PCNX1: variants seen among roughly 807,000 people sequenced by gnomAD.
The protein encoded by PCNX1 is pecanex-like protein 1.
PCNX1 carries 78 observed loss-of-function variants against 242.2 expected under a neutral mutation model. The observed-to-expected ratio is 0.32, with a 90% CI of 0.27 to 0.39. The LOEUF is 0.39. PCNX1 is among the 10% of genes least tolerant of loss of function. The probability of loss-of-function intolerance (pLI) is 1.00; values close to 1 mark genes in which losing one functional copy is unlikely to be tolerated. For synonymous variants in PCNX1, 1,024 were observed against 1,032.9 expected (o/e 0.99, Z 0.17); for missense variants, 2,581 against 2,856.5 (o/e 0.90, Z 2.20).
intron 5 of PCNX1, among the ~76,000 whole-genome samples, chr14:70,969,609 T>C (rs1044359888): frequency 2.6e-5 from 4 of 152,172 alleles, no homozygotes; most frequent in Non-Finnish European, 5.9e-5. Flanking sequence ...TTTTTGGAAT[T>C]ACAGTACCCT....
chr14:70,944,261 C>T (rs748720717), intron 1 of PCNX1, among the ~76,000 whole-genome samples: 1 of 152,200 alleles, frequency 6.6e-6, no homozygotes, highest in Non-Finnish European at 1.5e-5. Context: ...GGAGCTGTAC[C>T]CTGCAAAGCC....
chr14:70,960,543 A>G (rs1212507897), intron 2 of PCNX1, among the ~76,000 whole-genome samples: 6 of 152,108 alleles, frequency 3.9e-5, no homozygotes, highest in Admixed American at 1.3e-4. Flanking sequence ...ATCTATGACA[A>G]ACCCACAGCC....
At chr14:70,970,640 A>G (rs1227002423) in intron 5 of PCNX1, among the ~76,000 whole-genome samples, 4 of 152,212 alleles carry the variant, frequency 2.6e-5, no homozygotes, top group African/African-American at 9.6e-5. Context: ...GATGTCTAAC[A>G]TGCACTGGGT....
intron 2 of PCNX1, among the ~76,000 whole-genome samples, chr14:70,953,998 G>A (rs1370767062): frequency 2.0e-5 from 3 of 152,104 alleles, no homozygotes; most frequent in Admixed American, 6.6e-5. Flanking sequence ...TTTTCTACAC[G>A]GAGATCAGAA....
At chr14:70,980,908 G>A (rs763854280) in intron 6 of PCNX1, among the ~76,000 whole-genome samples, 1 of 152,104 alleles carries the variant, frequency 6.6e-6, no homozygotes, top group Non-Finnish European at 1.5e-5. Context: ...TGAAGGTGTC[G>A]ATAAGTTCTC....
At chr14:70,962,677 A>G (rs2058259157) in intron 3 of PCNX1, among the ~76,000 whole-genome samples, 1 of 152,098 alleles carries the variant, frequency 6.6e-6, no homozygotes, top group African/African-American at 2.4e-5. Context: ...AAACGTGGCC[A>G]AAAAATAAAA....
At chr14:71,069,447 T>C (rs2061536923) in intron 26 of PCNX1, among the ~76,000 whole-genome samples, 1 of 152,208 alleles carries the variant, frequency 6.6e-6, no homozygotes. Flanking sequence ...CTATTATTGG[T>C]TTAAAAGACA....
At chr14:70,915,432 A>G (rs2056115334) in intron 1 of PCNX1, among the ~76,000 whole-genome samples, 1 of 152,250 alleles carries the variant, frequency 6.6e-6, no homozygotes, top group Admixed American at 6.5e-5. Context: ...CCCTGTCTGT[A>G]GAACATTTTA....
At chr14:71,101,747 T>C (rs2062467223) in intron 30 of PCNX1, among the ~76,000 whole-genome samples, 1 of 152,070 alleles carries the variant, frequency 6.6e-6, no homozygotes, top group Non-Finnish European at 1.5e-5. Flanking sequence ...CCAGAAATGA[T>C]GTTTATTCAT....
chr14:71,080,939 C>G (rs2061838914), intron 28 of PCNX1, among the ~76,000 whole-genome samples: 1 of 152,098 alleles, frequency 6.6e-6, no homozygotes, highest in African/African-American at 2.4e-5. Context: ...GCATCCTTGT[C>G]TTGTGCCGGT....
chr14:71,042,398 A>G (rs548642581), intron 19 of PCNX1, among the ~76,000 whole-genome samples: 1 of 151,910 alleles, frequency 6.6e-6, no homozygotes, highest in Non-Finnish European at 1.5e-5. Context: ...TTCTGAATTG[A>G]TCCCTTTATT....
chr14:70,982,150 G>A (rs551920620), intron 6 of PCNX1, among the ~76,000 whole-genome samples: 7 of 152,276 alleles, frequency 4.6e-5, no homozygotes, highest in Admixed American at 3.9e-4. Flanking sequence ...TTTGTACCCA[G>A]ATATCATTGA....
intron 26 of PCNX1, among the ~76,000 whole-genome samples, chr14:71,063,217 G>A (rs1364102642): frequency 6.6e-6 from 1 of 152,068 alleles, no homozygotes; most frequent in Non-Finnish European, 1.5e-5. Context: ...AATATTTTAG[G>A]GTTTGAGAGC....
intron 11 of PCNX1, among the ~76,000 whole-genome samples, chr14:71,015,860 ACACT>A (rs2059949776): frequency 6.6e-6 from 1 of 152,182 alleles, no homozygotes; most frequent in South Asian, 2.1e-4. Context: ...AAAAAGAACA[ACACT>A]CAACTCCAAG....
At chr14:70,920,470 T>G (rs1594895411) in intron 1 of PCNX1, among the ~76,000 whole-genome samples, 1 of 152,294 alleles carries the variant, frequency 6.6e-6, no homozygotes, top group East Asian at 1.9e-4. Flanking sequence ...TTGCAAAAGG[T>G]TTTACATCTA....
intron 13 of PCNX1, among the ~76,000 whole-genome samples, chr14:71,024,563 A>T (rs2060190197): frequency 1.3e-5 from 2 of 151,820 alleles, no homozygotes; most frequent in Admixed American, 1.3e-4. Context: ...TTCTGATTTG[A>T]TAAGGCCGTG....
At chr14:70,995,592 T>C in intron 7 of PCNX1, 149 bp from the exon 8 acceptor site, 1 of 613,726 alleles carries the variant, frequency 1.6e-6, no homozygotes, top group South Asian at 2.1e-5. Context: ...CAATGTAATC[T>C]GTATATTTTG....
At chr14:71,073,849 G>A in intron 27 of PCNX1, 51 bp downstream of exon 27, 1 of 1,395,476 alleles carries the variant, frequency 7.2e-7, no homozygotes, top group Non-Finnish European at 9.7e-7. Flanking sequence ...TTTCTTCTTG[G>A]GAATGACATA....
chr14:70,934,209 C>G (rs1340355246), intron 1 of PCNX1, among the ~76,000 whole-genome samples: 2 of 152,172 alleles, frequency 1.3e-5, no homozygotes, highest in African/African-American at 4.8e-5. Context: ...TATTTGGCAT[C>G]TTGAATAGCT....
Sources: allele counts gnomAD v4.1 joint callset (sites outside exome capture counted in the v4.1 genomes callset), GRCh38; gene constraint gnomAD v4.1.1; transcripts MANE v1.5; gene names NCBI Gene and HGNC (gene_info 2026-07-23, HGNC 2026-07-21).